Variants in IL1RAP observed in about 807,000 individuals in gnomAD.
IL1RAP encodes the protein interleukin-1 receptor accessory protein.
IL1RAP carries 35 observed loss-of-function variants against 60.7 expected under a neutral mutation model. The ratio of observed to expected loss-of-function variants is 0.58; its 90% CI spans 0.44 to 0.76. The LOEUF is 0.76. Among genes scored for constraint, IL1RAP ranks in the 30% least tolerant of loss-of-function variants. The probability of loss-of-function intolerance (pLI) is 0.00; values close to 1 mark genes in which losing one functional copy is unlikely to be tolerated. For synonymous variants in IL1RAP, 268 were observed against 250.9 expected (o/e 1.07, Z -0.64); for missense variants, 572 against 693.9 (o/e 0.82, Z 1.97).
intron 5 of IL1RAP, among the ~76,000 whole-genome samples, chr3:190,612,559 G>A (rs190689985): frequency 5.8e-4 from 88 of 152,100 alleles, no homozygotes; most frequent in Middle Eastern, 3.4e-3. Flanking sequence ...ATTTATACCT[G>A]TTTCAATATT....
At chr3:190,623,850 G>A (rs758409231) in intron 7 of IL1RAP, among the ~76,000 whole-genome samples, 6 of 152,130 alleles carry the variant, frequency 3.9e-5, no homozygotes, top group Non-Finnish European at 8.8e-5. Flanking sequence ...AGACATTGAC[G>A]CAGAACACTA....
chr3:190,649,221 C>T lies in IL1RAP; in HGVS notation c.*516C>T. On this transcript the variant is annotated 3_prime_UTR_variant, in exon 12 of 12. Coordinates refer to ENST00000447382, the MANE Select transcript of IL1RAP (RefSeq NM_002182.4). ...TCGGCTGTATAATACATAACCACAG[C>T]AAGACTGACATCCACTTAGGATGAT... 1.0e-6 allele frequency: 1 copy of T among 985,910 alleles called. No individual in the cohort carries two copies. Among genetic ancestry groups the T allele is most frequent in the Non-Finnish European group, 1.2e-6 (1 of 830,316 alleles). 61.1% of individuals were successfully genotyped at this position (985,910 alleles called of 1,614,324 possible). A position where few individuals can be genotyped will look rare whatever the true frequency, so the allele number is the denominator to read the frequency against.
intron 3 of IL1RAP, among the ~76,000 whole-genome samples, chr3:190,576,482 A>T (rs1727461355): frequency 6.6e-6 from 1 of 152,214 alleles, no homozygotes; most frequent in African/African-American, 2.4e-5. Context: ...TGATCAGTCT[A>T]AAAAGAAGCT....
At chr3:190,586,216 T>A (rs1418327892) in intron 3 of IL1RAP, among the ~76,000 whole-genome samples, 1 of 152,170 alleles carries the variant, frequency 6.6e-6, no homozygotes, top group Non-Finnish European at 1.5e-5. Context: ...TCATTTTGCT[T>A]TGTGTTGTGG....
chr3:190,627,826 G>T (rs1243344683), intron 8 of IL1RAP, among the ~76,000 whole-genome samples: 1 of 152,104 alleles, frequency 6.6e-6, no homozygotes, highest in Non-Finnish European at 1.5e-5. Flanking sequence ...CAAGGGTTGT[G>T]GGTACGTGGA....
At position 190,650,060 on chromosome 3, in the gene IL1RAP, A is replaced by T; in HGVS notation, c.*1355A>T. 8.4e-6 allele frequency: 5 copies of T among 595,002 alleles called. No homozygotes were observed. The highest frequency in any genetic ancestry group is 8.4e-6 in the Non-Finnish European group (4 of 475,798). The allele number at this position is 595,002 out of a possible 1,614,324, so 36.9% of individuals were successfully genotyped here. The stretch of plus-strand genomic sequence containing the variant: ...TGTATATAAATCCACATGCACATGA[A>T]ATATATATATATATATAATTTGTGT... On this transcript the variant is annotated 3_prime_UTR_variant, in exon 12 of 12. Transcript: ENST00000447382.
intron 9 of IL1RAP, among the ~76,000 whole-genome samples, chr3:190,638,702 T>C (rs1733416413): frequency 1.3e-5 from 2 of 152,172 alleles, no homozygotes; most frequent in African/African-American, 4.8e-5. Context: ...AAGGTTCACC[T>C]TTGTTTAGGC....
intron 3 of IL1RAP, among the ~76,000 whole-genome samples, chr3:190,569,204 T>C (rs995013118): frequency 6.6e-6 from 1 of 152,252 alleles, no homozygotes. Context: ...ATTTTGGTTA[T>C]AGTTGGCTAG....
At chr3:190,564,524 C>T in intron 3 of IL1RAP, 171 bp downstream of exon 3, 1 of 627,364 alleles carries the variant, frequency 1.6e-6, no homozygotes, top group South Asian at 1.8e-5. Flanking sequence ...ATGGAAAGAA[C>T]CATTGCTGTC....
chr3:190,596,019 G>T (rs779386639), intron 3 of IL1RAP, among the ~76,000 whole-genome samples: 2 of 152,188 alleles, frequency 1.3e-5, no homozygotes, highest in Admixed American at 6.5e-5. Flanking sequence ...TAGGCAGGGT[G>T]TACATGCAGA....
At chr3:190,628,247 G>C (rs1732483783) in intron 8 of IL1RAP, among the ~76,000 whole-genome samples, 1 of 152,176 alleles carries the variant, frequency 6.6e-6, no homozygotes, top group African/African-American at 2.4e-5. Flanking sequence ...TTTGCAGCTG[G>C]TCAGCTATAT....
At chr3:190,621,277 G>A (rs1731756063) in intron 6 of IL1RAP, among the ~76,000 whole-genome samples, 1 of 152,178 alleles carries the variant, frequency 6.6e-6, no homozygotes, top group African/African-American at 2.4e-5. Flanking sequence ...TCTCTGCTCA[G>A]GGCTTTTTCT....
intron 3 of IL1RAP, among the ~76,000 whole-genome samples, chr3:190,578,015 G>A (rs1365616102): frequency 6.6e-5 from 10 of 152,164 alleles, no homozygotes; most frequent in Admixed American, 6.5e-4. Context: ...GGGCACACAT[G>A]GGCATAAACA....
At chr3:190,516,153 G>A (rs1245366606) in intron 1 of IL1RAP, 1 of 152,204 alleles carries the variant, frequency 6.6e-6, no homozygotes, top group Non-Finnish European at 1.5e-5. Context: ...ATGCAGTATT[G>A]GTAAGTGCTT....
At chr3:190,550,667 T>C (rs187972672) in intron 1 of IL1RAP, among the ~76,000 whole-genome samples, 1 of 152,318 alleles carries the variant, frequency 6.6e-6, no homozygotes, top group African/African-American at 2.4e-5. Context: ...AACTAGAATA[T>C]TGATCCAGAT....
intron 6 of IL1RAP, among the ~76,000 whole-genome samples, chr3:190,621,967 C>T (rs1731818111): frequency 7.0e-6 from 1 of 142,194 alleles, no homozygotes; most frequent in African/African-American, 2.9e-5. Flanking sequence ...TAAAGAGCAG[C>T]AATCTCATAA....
rs1198710006 is a variant in IL1RAP, at chr3:190,645,697, A to G, written c.1202-2A>G. 3.1e-6 allele frequency: 5 copies of G among 1,605,410 alleles called. No homozygotes were observed. The highest frequency in any genetic ancestry group is 8.5e-7 in the Non-Finnish European group (1 of 1,174,214). ...ACATTGTATCTGTGTTCCTTTTGCT[A>G]GATGGAAAAGAGTATGATATTTATG... is the stretch of plus-strand genomic sequence containing the variant. On this transcript the variant is annotated splice_acceptor_variant, in intron 10 of 11. Transcript: ENST00000447382. LOFTEE classifies it high-confidence loss of function.
At chr3:190,516,433 T>C (rs941301147) in intron 1 of IL1RAP, 7 of 152,240 alleles carry the variant, frequency 4.6e-5, no homozygotes, top group Non-Finnish European at 1.0e-4. Context: ...TTCTGATTCT[T>C]CAAAGAAAGG....
At chr3:190,606,538 T>A (rs1170300063) in intron 4 of IL1RAP, among the ~76,000 whole-genome samples, 1 of 152,260 alleles carries the variant, frequency 6.6e-6, no homozygotes, top group Non-Finnish European at 1.5e-5. Flanking sequence ...AGTTTTACTT[T>A]TTCCTTAATT....
Sources: gnomAD v4.1 joint callset for allele counts (sites outside exome capture counted in the v4.1 genomes callset) on GRCh38, gnomAD v4.1.1 for gene constraint, MANE v1.5 for transcripts, NCBI Gene and HGNC (gene_info 2026-07-23, HGNC 2026-07-21) for gene names.